CREB5: variants seen among roughly 807,000 people sequenced by gnomAD.
CREB5 encodes the protein cyclic AMP-responsive element-binding protein 5.
CREB5 carries 19 observed loss-of-function variants against 57.1 expected under a neutral mutation model. That is an observed-to-expected ratio of 0.33 (90% confidence interval 0.23 to 0.49). The LOEUF (loss-of-function observed/expected upper bound fraction) is 0.49. Among genes scored for constraint, CREB5 ranks in the 20% least tolerant of loss-of-function variants. The probability of loss-of-function intolerance (pLI) is 0.99; values close to 1 mark genes in which losing one functional copy is unlikely to be tolerated. For synonymous variants in CREB5, 238 were observed against 238.3 expected, an observed-to-expected ratio of 1.00 and a Z score of 0.01; for missense variants, 579 against 671.6, an observed-to-expected ratio of 0.86 and a Z score of 1.52.
chr7:28,555,047 C>T (rs1794804549), intron 4 of CREB5, among the ~76,000 whole-genome samples: 1 of 151,898 alleles, frequency 6.6e-6, no homozygotes, highest in Non-Finnish European at 1.5e-5. Context: ...GAGTTTTGTT[C>T]AGCTGGTGGT....
chr7:28,507,548 T>C, intron 3 of CREB5, 68 bp from the exon 4 acceptor site: 4 of 1,540,820 alleles, frequency 2.6e-6, no homozygotes, highest in Non-Finnish European at 3.5e-6. Flanking sequence ...TTAGTGAATC[T>C]AGCTCATGCT....
intron 1 of CREB5, among the ~76,000 whole-genome samples, chr7:28,445,485 T>C (rs1789397696): frequency 6.6e-6 from 1 of 152,010 alleles, no homozygotes; most frequent in African/African-American, 2.4e-5. Context: ...CTAAGAATCC[T>C]TGGACCTTGG....
intron 4 of CREB5, among the ~76,000 whole-genome samples, chr7:28,543,410 T>G (rs1024371769): frequency 2.0e-5 from 3 of 152,192 alleles, no homozygotes; most frequent in African/African-American, 7.2e-5. Flanking sequence ...GTCTATCCAC[T>G]TCTCCTTTTT....
At chr7:28,709,741 C>T (rs1271291703) in intron 5 of CREB5, among the ~76,000 whole-genome samples, 2 of 151,576 alleles carry the variant, frequency 1.3e-5, no homozygotes, top group African/African-American at 4.8e-5. Context: ...ATACTACATC[C>T]ATAAAATAAA....
chr7:28,692,472 G>T (rs1450431424), intron 5 of CREB5, among the ~76,000 whole-genome samples: 2 of 152,156 alleles, frequency 1.3e-5, no homozygotes, highest in African/African-American at 4.8e-5. Context: ...AAGCAGGGTG[G>T]GGTCTCCTGA....
At chr7:28,664,074 G>GTGATGC (rs1479672725) in intron 5 of CREB5, among the ~76,000 whole-genome samples, 1 of 152,204 alleles carries the variant, frequency 6.6e-6, no homozygotes, top group Non-Finnish European at 1.5e-5. Context: ...AAGTCCTTAG[G>GTGATGC]TGATGCTGAT....
intron 4 of CREB5, among the ~76,000 whole-genome samples, chr7:28,556,859 C>G (rs1286763655): frequency 6.6e-6 from 1 of 152,210 alleles, no homozygotes; most frequent in Non-Finnish European, 1.5e-5. Flanking sequence ...ATCTATTCTC[C>G]TAGCTCCTTC....
chr7:28,785,308 T>G (rs892851148), intron 7 of CREB5, among the ~76,000 whole-genome samples: 1 of 152,216 alleles, frequency 6.6e-6, no homozygotes, highest in African/African-American at 2.4e-5. Flanking sequence ...TCGCCTTGTG[T>G]AATAATATAC....
intron 5 of CREB5, among the ~76,000 whole-genome samples, chr7:28,650,708 T>C (rs1799093714): frequency 6.6e-6 from 1 of 152,182 alleles, no homozygotes; most frequent in Non-Finnish European, 1.5e-5. Context: ...ACATATTTCT[T>C]AATAGCAAAG....
intron 1 of CREB5, among the ~76,000 whole-genome samples, chr7:28,435,152 T>G (rs1788902106): frequency 6.6e-6 from 1 of 151,138 alleles, no homozygotes; most frequent in Non-Finnish European, 1.5e-5. Context: ...TTTGGACACT[T>G]AAGTAACTGC....
At chr7:28,685,746 C>T (rs1342868695) in intron 5 of CREB5, among the ~76,000 whole-genome samples, 3 of 150,774 alleles carry the variant, frequency 2.0e-5, no homozygotes, top group African/African-American at 7.3e-5. Flanking sequence ...AACTCCGGGT[C>T]CCTCTTGGAG....
chr7:28,475,246 GTTTCT>G (rs1791012702), intron 1 of CREB5, among the ~76,000 whole-genome samples: 1 of 101,614 alleles, frequency 9.8e-6, no homozygotes, highest in Non-Finnish European at 1.9e-5. Flanking sequence ...TTATTCAGAA[GTTTCT>G]TTTTTTTTTT....
At chr7:28,315,483 G>A (rs947813513) in intron 1 of CREB5, among the ~76,000 whole-genome samples, 2 of 152,202 alleles carry the variant, frequency 1.3e-5, no homozygotes, top group Admixed American at 6.5e-5. Context: ...GCTTCCAGCC[G>A]GGTGCTGCAG....
At chr7:28,352,685 C>G (rs571616659) in intron 1 of CREB5, among the ~76,000 whole-genome samples, 1 of 152,314 alleles carries the variant, frequency 6.6e-6, no homozygotes, top group East Asian at 1.9e-4. Flanking sequence ...AAAAACTTTT[C>G]CTGGCATCTC....
chr7:28,604,854 A>G (rs1797050473), intron 5 of CREB5, among the ~76,000 whole-genome samples: 1 of 152,096 alleles, frequency 6.6e-6, no homozygotes, highest in African/African-American at 2.4e-5. Context: ...TTTTAAACTA[A>G]GTTTTTCCTT....
chr7:28,507,586 C>T (rs745846419), intron 3 of CREB5, 30 bp from the exon 4 acceptor site: 4 of 1,575,384 alleles, frequency 2.5e-6, no homozygotes, highest in Admixed American at 1.7e-5. Context: ...AAAAAAGACC[C>T]ATTTATGAGC....
chr7:28,609,032 C>G (rs564268253), intron 5 of CREB5: 1 of 152,172 alleles, frequency 6.6e-6, no homozygotes, highest in Non-Finnish European at 1.5e-5. Context: ...CAAAGAACTC[C>G]TCTTGGAGCT....
intron 1 of CREB5, among the ~76,000 whole-genome samples, chr7:28,315,840 T>C (rs1273639361): frequency 6.6e-6 from 1 of 152,078 alleles, no homozygotes; most frequent in East Asian, 1.9e-4. Flanking sequence ...ATTGCCAGAG[T>C]CGGGCTCTGG....
At chr7:28,553,004 TC>T (rs1189727857) in intron 4 of CREB5, among the ~76,000 whole-genome samples, 1 of 152,176 alleles carries the variant, frequency 6.6e-6, no homozygotes, top group African/African-American at 2.4e-5. Flanking sequence ...TGGGCGCAAT[TC>T]AGTTTTCTCT....
Sources: gnomAD v4.1 joint callset for allele counts (sites outside exome capture counted in the v4.1 genomes callset) on GRCh38, gnomAD v4.1.1 for gene constraint, MANE v1.5 for transcripts, NCBI Gene and HGNC (gene_info 2026-07-23, HGNC 2026-07-21) for gene names.